NEGR1: variants seen among roughly 807,000 people sequenced by gnomAD.
NEGR1 encodes neuronal growth regulator 1.
In NEGR1, 10 loss-of-function variants were observed where a neutral mutation model predicts 40.9. The ratio of observed to expected loss-of-function variants is 0.24; its 90% CI spans 0.15 to 0.42. The LOEUF (loss-of-function observed/expected upper bound fraction) is 0.42. NEGR1 is among the 10% of genes least tolerant of loss of function. The pLI is 1.00. For missense variants in NEGR1, 352 were observed against 438.9 expected (o/e 0.80, Z 1.77); for synonymous variants, 185 against 166.8 (o/e 1.11, Z -0.84).
intron 6 of NEGR1, chr1:71,486,427 C>T (rs189535661): frequency 6.6e-6 from 1 of 151,152 alleles, no homozygotes; most frequent in African/African-American, 2.4e-5. Context: ...GAGGGCAAAA[C>T]TCAACCCGTC....
intron 4 of NEGR1, among the ~76,000 whole-genome samples, chr1:71,646,040 G>A (rs148712555): frequency 5.1e-4 from 78 of 151,836 alleles, no homozygotes; most frequent in African/African-American, 1.9e-3. Context: ...GCCCCAAAAT[G>A]TGAAAGTTTA....
At position 71,402,207 on chromosome 1, in the gene NEGR1, G is replaced by A. The variant is rs1051443645; in HGVS notation, c.*5239C>T. On this transcript the variant is annotated 3_prime_UTR_variant, in exon 7 of 7. Coordinates refer to ENST00000357731, the MANE Select transcript of NEGR1 (RefSeq NM_173808.3). ...AAGTGACTCAAAATTTCTGAATCTCGTTTTCACCATCAATACATGACAATA... is the reference window on the plus strand; with the variant it reads ...AAGTGACTCAAAATTTCTGAATCTCATTTTCACCATCAATACATGACAATA... 6.6e-6 allele frequency: 1 copy of A among 152,026 alleles called. No homozygotes were observed. Among genetic ancestry groups the A allele is most frequent in the Non-Finnish European group, 1.5e-5 (1 of 67,996 alleles). 9.4% of individuals were successfully genotyped at this position (152,026 alleles called of 1,614,324 possible).
intron 2 of NEGR1, among the ~76,000 whole-genome samples, chr1:71,798,634 T>G (rs1320624314): frequency 2.6e-5 from 4 of 152,212 alleles, no homozygotes; most frequent in African/African-American, 9.6e-5. Flanking sequence ...CTCAGATCAC[T>G]TAATTGTTAA....
At chr1:71,692,985 A>G (rs1422697524) in intron 4 of NEGR1, among the ~76,000 whole-genome samples, 1 of 151,762 alleles carries the variant, frequency 6.6e-6, no homozygotes, top group Non-Finnish European at 1.5e-5. Flanking sequence ...AAATTGAAAT[A>G]ATGTCTAGAG....
At chr1:71,909,108 A>G (rs1442650184) in intron 2 of NEGR1, among the ~76,000 whole-genome samples, 1 of 152,148 alleles carries the variant, frequency 6.6e-6, no homozygotes. Context: ...ATTGCCTGTG[A>G]GTCTTTCAAA....
At chr1:72,194,940 C>T (rs1652948339) in intron 1 of NEGR1, among the ~76,000 whole-genome samples, 1 of 152,026 alleles carries the variant, frequency 6.6e-6, no homozygotes, top group South Asian at 2.1e-4. Context: ...CGGTGACTTA[C>T]ATATGCATAC....
chr1:71,681,743 T>C (rs1022032663), intron 4 of NEGR1, among the ~76,000 whole-genome samples: 2 of 152,196 alleles, frequency 1.3e-5, no homozygotes, highest in Non-Finnish European at 1.5e-5. Context: ...AATTATACTT[T>C]ATACATTTTA....
intron 1 of NEGR1, among the ~76,000 whole-genome samples, chr1:72,100,310 T>G (rs1410666929): frequency 2.0e-5 from 3 of 152,172 alleles, no homozygotes; most frequent in African/African-American, 4.8e-5. Context: ...CATACATGCA[T>G]GTCCTTGTTT....
At chr1:71,780,040 C>CAAA (rs57576840) in intron 2 of NEGR1, among the ~76,000 whole-genome samples, 90 of 99,728 alleles carry the variant, frequency 9.0e-4, no homozygotes, top group South Asian at 1.2e-3. Context: ...ATAGGAAAAC[C>CAAA]AAAAAAAAAA....
At chr1:72,252,507 C>T (rs1328839154) in intron 1 of NEGR1, among the ~76,000 whole-genome samples, 1 of 152,170 alleles carries the variant, frequency 6.6e-6, no homozygotes, top group Non-Finnish European at 1.5e-5. Flanking sequence ...GTTTGATAAA[C>T]TCACATCTCA....
chr1:71,978,652 T>C (rs1377907429), intron 1 of NEGR1, among the ~76,000 whole-genome samples: 1 of 151,844 alleles, frequency 6.6e-6, no homozygotes, highest in Non-Finnish European at 1.5e-5. Context: ...TAAACCACAA[T>C]GAGATACCAC....
intron 4 of NEGR1, among the ~76,000 whole-genome samples, chr1:71,685,366 A>G (rs2101615316): frequency 7.1e-6 from 1 of 140,422 alleles, no homozygotes; most frequent in Admixed American, 7.7e-5. Context: ...CTTTTTGCCC[A>G]GGCTGGAGTG....
intron 4 of NEGR1, among the ~76,000 whole-genome samples, chr1:71,656,315 C>A (rs940126857): frequency 1.3e-5 from 2 of 152,130 alleles, no homozygotes; most frequent in African/African-American, 4.8e-5. Context: ...GGAAAGAATC[C>A]CTTAACATTT....
At chr1:71,736,373 A>AT (rs1025053681) in intron 3 of NEGR1, among the ~76,000 whole-genome samples, 1 of 152,096 alleles carries the variant, frequency 6.6e-6, no homozygotes, top group African/African-American at 2.4e-5. Flanking sequence ...ATATTTAGAG[A>AT]TTTTGAAAAT....
chr1:72,212,868 A>C (rs576020846), intron 1 of NEGR1, among the ~76,000 whole-genome samples: 4 of 152,054 alleles, frequency 2.6e-5, no homozygotes, highest in Non-Finnish European at 2.9e-5. Flanking sequence ...AATGCAAAAA[A>C]AAAGTAGTCT....
At chr1:72,017,782 AAC>A (rs1288801677) in intron 1 of NEGR1, among the ~76,000 whole-genome samples, 4 of 152,168 alleles carry the variant, frequency 2.6e-5, no homozygotes, top group Non-Finnish European at 4.4e-5. Flanking sequence ...GCACAAAAAT[AAC>A]AGTTTCAGTT....
At chr1:72,188,871 C>A (rs1257078808) in intron 1 of NEGR1, among the ~76,000 whole-genome samples, 2 of 151,440 alleles carry the variant, frequency 1.3e-5, no homozygotes, top group African/African-American at 4.8e-5. Flanking sequence ...TGACTTATAG[C>A]CAGCTCTGGA....
chr1:71,426,007 T>G (rs970616803), intron 6 of NEGR1, among the ~76,000 whole-genome samples: 8 of 152,144 alleles, frequency 5.3e-5, no homozygotes, highest in Non-Finnish European at 1.0e-4. Context: ...ACTACGACAC[T>G]CATTATTTAC....
At chr1:72,143,265 A>G (rs2100339148) in intron 1 of NEGR1, among the ~76,000 whole-genome samples, 1 of 152,040 alleles carries the variant, frequency 6.6e-6, no homozygotes, top group Non-Finnish European at 1.5e-5. Context: ...TATGCCAGCA[A>G]TTATTTTTAC....
Sources: allele counts gnomAD v4.1 joint callset (sites outside exome capture counted in the v4.1 genomes callset), GRCh38; gene constraint gnomAD v4.1.1; transcripts MANE v1.5; gene names NCBI Gene and HGNC (gene_info 2026-07-23, HGNC 2026-07-21).